PPP3R1: variants seen among roughly 807,000 people sequenced by gnomAD.
PPP3R1 encodes calcineurin subunit B type 1.
In PPP3R1, 5 loss-of-function variants were observed where a neutral mutation model predicts 22.6. That is an observed-to-expected ratio of 0.22 (90% confidence interval 0.12 to 0.46). PPP3R1 has a LOEUF of 0.46. Among genes scored for constraint, PPP3R1 ranks in the 20% least tolerant of loss-of-function variants. The pLI is 0.99. For synonymous variants in PPP3R1, 56 were observed against 65.2 expected (o/e 0.86, Z 0.68); for missense variants, 61 against 203.2 (o/e 0.30, Z 4.25).
chr2:68,240,049 T>C (rs760013965), intron 1 of PPP3R1, among the ~76,000 whole-genome samples: 2 of 152,226 alleles, frequency 1.3e-5, no homozygotes, highest in African/African-American at 2.4e-5. Context: ...ACATTTAAGG[T>C]AGGCTAGACT....
intron 2 of PPP3R1, among the ~76,000 whole-genome samples, chr2:68,198,144 A>G (rs1175319230): frequency 1.4e-5 from 2 of 143,134 alleles, no homozygotes; most frequent in African/African-American, 5.1e-5. Flanking sequence ...GTTTACATAT[A>G]CAATACACAT....
rs547520192 is a variant in PPP3R1 at position 68,226,102 on chromosome 2, T to TCGAA, written c.4-8972_4-8971insTTCG. ...CACAAAAAGCTATGTGCTGTATGGT[T>TCGAA]CCATTTATAAATGCTACAAAAAAAC... is the stretch of plus-strand genomic sequence containing the variant. On this transcript the variant is annotated intron_variant, in intron 1 of 5. Coordinates refer to ENST00000234310, the MANE Select transcript of PPP3R1 (RefSeq NM_000945.4). Among the ~76,000 whole-genome samples, 104 of 152,248 alleles carry TCGAA rather than the reference T, an allele frequency of 6.8e-4. 3 individuals carry two copies. The South Asian group carries it at 0.021, about 31-fold the overall frequency.
intron 2 of PPP3R1, among the ~76,000 whole-genome samples, chr2:68,202,644 C>T (rs1377155235): frequency 3.3e-5 from 5 of 151,590 alleles, no homozygotes; most frequent in Non-Finnish European, 2.9e-5. Context: ...AGGCTGGTCA[C>T]GAACTCCCGA....
intron 1 of PPP3R1, among the ~76,000 whole-genome samples, chr2:68,224,802 G>A (rs2103782778): frequency 6.6e-6 from 1 of 151,736 alleles, no homozygotes. Context: ...ATTAAATGGG[G>A]AAAAAAAATC....
intron 1 of PPP3R1, among the ~76,000 whole-genome samples, chr2:68,223,970 CA>C (rs201595738): frequency 0.021 from 3,197 of 152,072 alleles, 125 homozygotes; most frequent in African/African-American, 0.073. Flanking sequence ...GGTCAATATA[CA>C]AAAGTTAAAT....
At chr2:68,198,290 T>C (rs1044265288) in intron 2 of PPP3R1, among the ~76,000 whole-genome samples, 20 of 139,546 alleles carry the variant, frequency 1.4e-4, no homozygotes, top group African/African-American at 5.4e-4. Context: ...TGTATGTGTA[T>C]ACACATGTAT....
chr2:68,241,589 C>T (rs1002657620), intron 1 of PPP3R1, among the ~76,000 whole-genome samples: 2 of 152,182 alleles, frequency 1.3e-5, no homozygotes, highest in Non-Finnish European at 2.9e-5. Context: ...TGGCTCAGGC[C>T]TATAATCCCA....
intron 2 of PPP3R1, among the ~76,000 whole-genome samples, chr2:68,193,308 G>A (rs1042815017): frequency 2.0e-5 from 3 of 152,072 alleles, no homozygotes; most frequent in Non-Finnish European, 4.4e-5. Flanking sequence ...AACTGATCTT[G>A]AGCTAAGAAG....
chr2:68,216,539 C>T (rs1353715642), intron 2 of PPP3R1, among the ~76,000 whole-genome samples: 2 of 152,056 alleles, frequency 1.3e-5, no homozygotes, highest in Admixed American at 1.3e-4. Context: ...CCAGAAAATA[C>T]GGAAAGCTGT....
chr2:68,220,321 A>G (rs767781795), intron 1 of PPP3R1, among the ~76,000 whole-genome samples: 4 of 152,188 alleles, frequency 2.6e-5, no homozygotes, highest in Non-Finnish European at 5.9e-5. Context: ...AGATCTGCAT[A>G]AAAGTCTCCT....
chr2:68,187,572 C>A (rs1307972585), intron 3 of PPP3R1, among the ~76,000 whole-genome samples: 2 of 151,978 alleles, frequency 1.3e-5, no homozygotes, highest in Non-Finnish European at 2.9e-5. Context: ...AAAGAACACT[C>A]AAAACATATT....
At chr2:68,244,098 G>T (rs926019870) in intron 1 of PPP3R1, among the ~76,000 whole-genome samples, 1 of 152,066 alleles carries the variant, frequency 6.6e-6, no homozygotes, top group African/African-American at 2.4e-5. Context: ...TTAACATACG[G>T]ATCTAAAACA....
intron 1 of PPP3R1, among the ~76,000 whole-genome samples, chr2:68,234,585 A>G (rs1025125383): frequency 9.2e-5 from 14 of 152,200 alleles, no homozygotes; most frequent in Admixed American, 4.6e-4. Flanking sequence ...AGCAATTTTA[A>G]ATGTCTTCCA....
chr2:68,207,486 A>G (rs1015638714), intron 2 of PPP3R1, among the ~76,000 whole-genome samples: 4 of 152,190 alleles, frequency 2.6e-5, no homozygotes, highest in African/African-American at 4.8e-5. Context: ...ACAAATAAAA[A>G]ACCATGACTT....
intron 1 of PPP3R1, among the ~76,000 whole-genome samples, chr2:68,230,065 T>C (rs912257205): frequency 6.6e-6 from 1 of 151,934 alleles, no homozygotes; most frequent in Admixed American, 6.6e-5. Flanking sequence ...CAATCTTGGC[T>C]CACTGCATTC....
intron 1 of PPP3R1, among the ~76,000 whole-genome samples, chr2:68,234,331 A>C (rs1368530816): frequency 1.3e-5 from 2 of 151,820 alleles, no homozygotes; most frequent in Admixed American, 1.3e-4. Context: ...GAACAGAGTG[A>C]GACTCCGTCC....
At chr2:68,204,968 T>G (rs1355951092) in intron 2 of PPP3R1, among the ~76,000 whole-genome samples, 1 of 152,266 alleles carries the variant, frequency 6.6e-6, no homozygotes, top group Admixed American at 6.5e-5. Context: ...ACAGTCTGCA[T>G]GCCATTCTGA....
At chr2:68,214,631 C>T (rs1669544647) in intron 2 of PPP3R1, among the ~76,000 whole-genome samples, 1 of 152,172 alleles carries the variant, frequency 6.6e-6, no homozygotes, top group Admixed American at 6.5e-5. Context: ...CTAAAAATAA[C>T]AGATGCTGGT....
At chr2:68,232,209 T>TATA (rs571323678) in intron 1 of PPP3R1, among the ~76,000 whole-genome samples, 4 of 93,026 alleles carry the variant, frequency 4.3e-5, no homozygotes, top group Non-Finnish European at 2.2e-5. Flanking sequence ...TATATACATA[T>TATA]TGTATATGTA....
Sources: gnomAD v4.1 joint callset for allele counts (sites outside exome capture counted in the v4.1 genomes callset) on GRCh38, gnomAD v4.1.1 for gene constraint, MANE v1.5 for transcripts, NCBI Gene and HGNC (gene_info 2026-07-23, HGNC 2026-07-21) for gene names.